DLG2: variants seen among roughly 807,000 people sequenced by gnomAD.
The protein encoded by DLG2 is disks large homolog 2.
A neutral mutation model predicts 132.5 loss-of-function variants in DLG2; 45 were observed. The ratio of observed to expected loss-of-function variants is 0.34; its 90% CI spans 0.27 to 0.44. The LOEUF is 0.44. Ranked by LOEUF, DLG2 falls within the 20% of genes least tolerant of loss-of-function variation. The probability of loss-of-function intolerance (pLI) is 1.00; values close to 1 mark genes in which losing one functional copy is unlikely to be tolerated. For missense variants in DLG2, 1,045 were observed against 1,196.9 expected, an observed-to-expected ratio of 0.87 and a Z score of 1.87; for synonymous variants, 424 against 419.6, an observed-to-expected ratio of 1.01 and a Z score of -0.13.
chr11:83,950,619 A>G (rs531418950), intron 14 of DLG2, among the ~76,000 whole-genome samples: 1 of 152,300 alleles, frequency 6.6e-6, no homozygotes, highest in Non-Finnish European at 1.5e-5. Context: ...AAACAAAAAT[A>G]AGCAAATGGC....
intron 21 of DLG2, among the ~76,000 whole-genome samples, chr11:83,524,947 T>C (rs919618323): frequency 6.6e-6 from 1 of 152,216 alleles, no homozygotes; most frequent in Non-Finnish European, 1.5e-5. Flanking sequence ...TAAATTATAA[T>C]ACATTTTGTA....
chr11:84,624,033 T>C (rs2099618165), intron 6 of DLG2, among the ~76,000 whole-genome samples: 2 of 152,194 alleles, frequency 1.3e-5, no homozygotes, highest in African/African-American at 4.8e-5. Context: ...AGATGCTTAC[T>C]AGAATAATGA....
intron 6 of DLG2, among the ~76,000 whole-genome samples, chr11:84,584,905 G>T (rs991997031): frequency 6.7e-6 from 1 of 149,870 alleles, no homozygotes; most frequent in African/African-American, 2.5e-5. Context: ...AGTCGGGATG[G>T]TCTCGATCTC....
chr11:84,198,010 T>C (rs1187415947), intron 8 of DLG2, among the ~76,000 whole-genome samples: 1 of 152,194 alleles, frequency 6.6e-6, no homozygotes, highest in Non-Finnish European at 1.5e-5. Context: ...AAGATACTTT[T>C]CCCTCAAAAC....
At chr11:85,591,383 C>G (rs1339013590) in intron 3 of DLG2, among the ~76,000 whole-genome samples, 1 of 152,132 alleles carries the variant, frequency 6.6e-6, no homozygotes, top group African/African-American at 2.4e-5. Flanking sequence ...GATCCATTTC[C>G]TCACTCTCCT....
chr11:84,538,567 A>G (rs1340995427), intron 6 of DLG2, among the ~76,000 whole-genome samples: 1 of 151,874 alleles, frequency 6.6e-6, no homozygotes, highest in African/African-American at 2.4e-5. Flanking sequence ...ATATTTCTGC[A>G]CAGTTCCTTT....
At chr11:84,720,532 C>T (rs961286973) in intron 6 of DLG2, 4 of 978,992 alleles carry the variant, frequency 4.1e-6, no homozygotes, top group African/African-American at 3.5e-5. Flanking sequence ...ATCCCGGAGC[C>T]CCGGTGGAAG....
intron 3 of DLG2, among the ~76,000 whole-genome samples, chr11:85,384,674 T>C (rs1361837924): frequency 6.6e-6 from 1 of 152,196 alleles, no homozygotes; most frequent in Non-Finnish European, 1.5e-5. Context: ...GTTCAAGTGA[T>C]TCTCCTGCCT....
intron 11 of DLG2, among the ~76,000 whole-genome samples, chr11:84,003,972 G>C (rs551309032): frequency 4.6e-5 from 7 of 152,150 alleles, no homozygotes; most frequent in African/African-American, 1.7e-4. Context: ...GTAAAATAAA[G>C]TGCAGGATCA....
At chr11:84,136,398 T>A (rs1566657814) in intron 9 of DLG2, among the ~76,000 whole-genome samples, 1 of 152,194 alleles carries the variant, frequency 6.6e-6, no homozygotes, top group Non-Finnish European at 1.5e-5. Flanking sequence ...GGTAAATGCT[T>A]GTTTTTTGTG....
chr11:84,878,643 A>G (rs893105743), intron 6 of DLG2, among the ~76,000 whole-genome samples: 57 of 152,170 alleles, frequency 3.7e-4, no homozygotes, highest in African/African-American at 1.3e-3. Context: ...TACATGGCAC[A>G]TTTATACCTA....
At chr11:85,132,684 C>T (rs1173318297) in intron 5 of DLG2, 1 of 455,482 alleles carries the variant, frequency 2.2e-6, no homozygotes, top group African/African-American at 2.0e-5. Context: ...GAACTGGCAG[C>T]ACCTACTAGA....
chr11:84,968,792 A>G (rs2154113330), intron 6 of DLG2, among the ~76,000 whole-genome samples: 1 of 152,290 alleles, frequency 6.6e-6, no homozygotes, highest in East Asian at 1.9e-4. Context: ...TGGCTACCCA[A>G]CATGTTAGTG....
chr11:84,714,179 A>G (rs1242248254), intron 6 of DLG2, among the ~76,000 whole-genome samples: 1 of 127,456 alleles, frequency 7.8e-6, no homozygotes, highest in Non-Finnish European at 1.6e-5. Flanking sequence ...ACTATAAAAT[A>G]AAAAAAAAAC....
intron 17 of DLG2, among the ~76,000 whole-genome samples, chr11:83,804,912 T>C (rs1314631966): frequency 2.6e-5 from 4 of 152,162 alleles, no homozygotes; most frequent in Admixed American, 2.6e-4. Context: ...GTCTTGAACA[T>C]TACCTACATT....
chr11:84,271,464 A>C (rs2097721320), intron 7 of DLG2, among the ~76,000 whole-genome samples: 1 of 152,188 alleles, frequency 6.6e-6, no homozygotes, highest in Admixed American at 6.5e-5. Flanking sequence ...ACACCACCAC[A>C]ATGCTATAGT....
At chr11:84,746,718 A>G (rs6592201) in intron 6 of DLG2, among the ~76,000 whole-genome samples, 31,134 of 152,158 alleles carry the variant, frequency 0.2, 3,406 homozygotes, top group African/African-American at 0.25. Flanking sequence ...CAGAAAAGAC[A>G]ATAATTCAAA....
intron 7 of DLG2, among the ~76,000 whole-genome samples, chr11:84,382,109 G>C (rs145946985): frequency 9.1e-4 from 139 of 152,300 alleles, no homozygotes; most frequent in African/African-American, 3.3e-3. Context: ...AAGCAGTCCT[G>C]ACATGGAAGG....
At chr11:83,795,323 G>A (rs1322435574) in intron 17 of DLG2, among the ~76,000 whole-genome samples, 1 of 152,098 alleles carries the variant, frequency 6.6e-6, no homozygotes, top group Non-Finnish European at 1.5e-5. Flanking sequence ...CAGGAGAATG[G>A]CGTGAACATG....
Sources: gnomAD v4.1 joint callset for allele counts (sites outside exome capture counted in the v4.1 genomes callset) on GRCh38, gnomAD v4.1.1 for gene constraint, MANE v1.5 for transcripts, NCBI Gene and HGNC (gene_info 2026-07-23, HGNC 2026-07-21) for gene names.